The following BCAS4 variants were observed in gnomAD, a reference collection of about 807,000 sequenced individuals.
BCAS4 encodes the protein breast carcinoma-amplified sequence 4.
BCAS4 carries 9 observed loss-of-function variants against 15.7 expected under a neutral mutation model. The ratio of observed to expected loss-of-function variants is 0.57; its 90% confidence interval spans 0.34 to 1.00. BCAS4 has a LOEUF of 1.00. Ranked by LOEUF, BCAS4 falls within the 50% of genes least tolerant of loss-of-function variation. BCAS4 has a pLI of 0.02. For synonymous variants in BCAS4, 101 were observed against 99.5 expected (o/e 1.02, Z -0.09); for missense variants, 225 against 239.1 (o/e 0.94, Z 0.39).
chr20:50,854,880 C>T (rs954284415), intron 4 of BCAS4, among the ~76,000 whole-genome samples: 1 of 152,226 alleles, frequency 6.6e-6, no homozygotes, highest in East Asian at 1.9e-4. Context: ...GCGCTGATGT[C>T]GGCCACCATG....
At chr20:50,871,161 G>A (rs1205391154) in intron 4 of BCAS4, among the ~76,000 whole-genome samples, 1 of 152,198 alleles carries the variant, frequency 6.6e-6, no homozygotes, top group Non-Finnish European at 1.5e-5. Flanking sequence ...CATCCTCAAG[G>A]AGCCCTAGAG....
chr20:50,795,700 T>G (rs1033557664), intron 1 of BCAS4, among the ~76,000 whole-genome samples: 4 of 152,262 alleles, frequency 2.6e-5, no homozygotes, highest in Non-Finnish European at 5.9e-5. Context: ...TGTGAAAAAG[T>G]TATTTGTCTG....
chr20:50,864,772 C>T (rs1331404941), intron 4 of BCAS4, among the ~76,000 whole-genome samples: 1 of 152,124 alleles, frequency 6.6e-6, no homozygotes, highest in Non-Finnish European at 1.5e-5. Flanking sequence ...TTTGCATCTG[C>T]CGCCTTCTGT....
At position 50,866,825 on chromosome 20, in the gene BCAS4, AG is replaced by A. The variant is rs11477312; in HGVS notation, c.400-9660del. Among the ~76,000 whole-genome samples, 1,062 of 152,304 alleles carry A rather than the reference AG, an allele frequency of 7.0e-3. 13 individuals carry two copies. Among genetic ancestry groups the A allele is most frequent in the African/African-American group, 0.024 (1,000 of 41,566 alleles). Reference sequence around the variant, plus strand: ...ATTCCCAGCTGAGTGGTTATGGCCAAGTGACTCGCTGAGCCTCAGTTTCCCC... The same window carrying A: ...ATTCCCAGCTGAGTGGTTATGGCCAATGACTCGCTGAGCCTCAGTTTCCCC... On this transcript the variant is annotated intron_variant, in intron 4 of 4. Coordinates refer to ENST00000371608, the MANE Select transcript of BCAS4 (RefSeq NM_198799.4).
intron 1 of BCAS4, among the ~76,000 whole-genome samples, chr20:50,806,415 A>G (rs971582041): frequency 6.6e-6 from 1 of 152,148 alleles, no homozygotes; most frequent in African/African-American, 2.4e-5. Context: ...GTGAATATTC[A>G]TGAGCACTGT....
intron 4 of BCAS4, among the ~76,000 whole-genome samples, chr20:50,847,346 C>T (rs532373434): frequency 6.6e-6 from 1 of 152,242 alleles, no homozygotes; most frequent in East Asian, 1.9e-4. Context: ...CTCGGCCTCC[C>T]AAAGTGTCGG....
chr20:50,870,455 C>CA (rs1979581030), intron 4 of BCAS4, among the ~76,000 whole-genome samples: 1 of 152,216 alleles, frequency 6.6e-6, no homozygotes. Flanking sequence ...TTCACCCTGT[C>CA]ACGTGCTGTG....
chr20:50,875,570 G>A lies in BCAS4; in HGVS notation c.400-916G>A, dbSNP rs181886154. Among the ~76,000 whole-genome samples, 104 of 136,070 alleles carry A rather than the reference G, an allele frequency of 7.6e-4. 1 individual carries two copies. In the East Asian group the frequency reaches 0.017, roughly 22 times the overall value. 89.3% of individuals were successfully genotyped at this position (136,070 alleles called of 152,430 possible). On this transcript the variant is annotated intron_variant, in intron 4 of 4. Transcript: ENST00000371608. ...ACCGGAGGCCAGGAATTTGAGACTA[G>A]CCTGACCAACATGGCAAAACCTCAT...
At position 50,841,778 on chromosome 20, in the gene BCAS4, A is replaced by G; in HGVS notation, c.277A>G (p.Met93Val). 6.2e-7 allele frequency: 1 copy of G among 1,613,904 alleles called. No individual in the cohort carries two copies. The highest frequency in any genetic ancestry group is 1.1e-5 in the South Asian group (1 of 91,080). ...KVDRLEAFVK[M>V]VGHHVAFLEA... ...CCGTGTCCCTCAGGCCTTCGTCAAG[A>G]TGGTTGGACACCACGTCGCCTTCCT... is the stretch of plus-strand genomic sequence containing the variant. The change falls in exon 4 of 5, where the codon ATG becomes GTG. Residue 93 changes from methionine to valine, a missense_variant. Transcript: ENST00000371608.
intron 4 of BCAS4, 147 bp downstream of exon 4, chr20:50,842,047 C>T (rs901530873): frequency 4.7e-6 from 5 of 1,061,970 alleles, no homozygotes; most frequent in Non-Finnish European, 6.5e-6. Context: ...CGGCCAGGCA[C>T]CTCAGCCTTT....
intron 4 of BCAS4, among the ~76,000 whole-genome samples, chr20:50,847,878 C>A (rs1044141206): frequency 2.7e-4 from 41 of 151,258 alleles, no homozygotes; most frequent in South Asian, 8.4e-4. Context: ...CCCATCTCTA[C>A]CAAAAAAAAT....
chr20:50,806,349 C>T (rs1383692358), intron 1 of BCAS4, among the ~76,000 whole-genome samples: 2 of 152,192 alleles, frequency 1.3e-5, no homozygotes, highest in Non-Finnish European at 2.9e-5. Flanking sequence ...AGGCAGTACA[C>T]GTCCTCCCCT....
At chr20:50,801,145 G>A (rs2087921637) in intron 1 of BCAS4, among the ~76,000 whole-genome samples, 1 of 152,088 alleles carries the variant, frequency 6.6e-6, no homozygotes, top group Non-Finnish European at 1.5e-5. Flanking sequence ...TGTGATGGGG[G>A]GCCGGGCGCC....
chr20:50,864,559 C>A (rs760026106), intron 4 of BCAS4, among the ~76,000 whole-genome samples: 2 of 151,396 alleles, frequency 1.3e-5, no homozygotes, highest in Non-Finnish European at 2.9e-5. Flanking sequence ...CTGCCTCAGC[C>A]TCCTGGGTAG....
rs373643286 is a variant in BCAS4 at position 50,876,454 on chromosome 20, C to T, written c.400-32C>T. On this transcript the variant is annotated intron_variant, in intron 4 of 4. Coordinates refer to ENST00000371608, the MANE Select transcript of BCAS4 (RefSeq NM_198799.4). ...GGTCATGGAACAAGTGGATCCAAAT[C>T]GCTGATAGAGCTTCATTTCTTGTCA... 13 of 1,608,586 alleles carry T rather than the reference C, an allele frequency of 8.1e-6. No homozygotes were observed. The Admixed American group carries it at 1.2e-4, about 15-fold the overall frequency.
chr20:50,876,298 C>T (rs796859946), intron 4 of BCAS4, among the ~76,000 whole-genome samples, 188 bp from the exon 5 acceptor site: 3 of 151,848 alleles, frequency 2.0e-5, no homozygotes, highest in African/African-American at 7.3e-5. Flanking sequence ...GTGGAGAGGG[C>T]CTGACATGGA....
chr20:50,806,481 T>A (rs2087990732), intron 1 of BCAS4, among the ~76,000 whole-genome samples: 1 of 152,216 alleles, frequency 6.6e-6, no homozygotes, highest in Non-Finnish European at 1.5e-5. Flanking sequence ...ACTTCAAGCA[T>A]CTGCCATTTC....
chr20:50,816,791 A>ATTTTTTTTTTTTTTTT (rs35600563), intron 1 of BCAS4, among the ~76,000 whole-genome samples: 1 of 80,898 alleles, frequency 1.2e-5, no homozygotes, highest in Admixed American at 1.5e-4. Context: ...TGCCTGGCTA[A>ATTTTTTTTTTTTTTTT]TTTTTTTTTT....
At chr20:50,823,912 C>T (rs967318524) in intron 2 of BCAS4, among the ~76,000 whole-genome samples, 3 of 152,096 alleles carry the variant, frequency 2.0e-5, no homozygotes, top group Non-Finnish European at 4.4e-5. Flanking sequence ...TGTCCACTTA[C>T]GAGCTGTGAA....
Sources: gnomAD v4.1 joint callset for allele counts (sites outside exome capture counted in the v4.1 genomes callset) on GRCh38, gnomAD v4.1.1 for gene constraint, MANE v1.5 for transcripts, NCBI Gene and HGNC (gene_info 2026-07-23, HGNC 2026-07-21) for gene names.